CNTN3: variants seen among roughly 807,000 people sequenced by gnomAD.
CNTN3 encodes contactin 3, also known as contactin-3.
CNTN3 carries 60 observed loss-of-function variants against 119.1 expected under a neutral mutation model. The ratio of observed to expected loss-of-function variants is 0.50; its 90% CI spans 0.41 to 0.62. CNTN3 has a LOEUF of 0.62. Among genes scored for constraint, CNTN3 ranks in the 20% least tolerant of loss-of-function variants. CNTN3 has a pLI of 0.00. For synonymous variants in CNTN3, 450 were observed against 438.7 expected (o/e 1.03, Z -0.32); for missense variants, 1,101 against 1,242.4 (o/e 0.89, Z 1.71).
intron 13 of CNTN3, among the ~76,000 whole-genome samples, chr3:74,324,315 G>C (rs553353677): frequency 6.6e-6 from 1 of 151,730 alleles, no homozygotes; most frequent in Non-Finnish European, 1.5e-5. Context: ...GGGTTCAAGC[G>C]ATTCTCCTGT....
At chr3:74,434,806 C>T (rs1048403890) in intron 4 of CNTN3, among the ~76,000 whole-genome samples, 30 of 152,180 alleles carry the variant, frequency 2.0e-4, no homozygotes, top group African/African-American at 6.8e-4. Context: ...TCTTCACATT[C>T]TTTCAGGAAA....
intron 4 of CNTN3, among the ~76,000 whole-genome samples, chr3:74,482,766 C>T (rs1702784803): frequency 6.6e-6 from 1 of 152,070 alleles, no homozygotes; most frequent in Non-Finnish European, 1.5e-5. Context: ...CATCCATTTG[C>T]CTGCAGCAAA....
chr3:74,320,887 A>T (rs527718513), intron 13 of CNTN3, among the ~76,000 whole-genome samples: 2 of 151,930 alleles, frequency 1.3e-5, no homozygotes, highest in African/African-American at 4.8e-5. Flanking sequence ...GTCTATGTCT[A>T]TATCCTCAAC....
intron 13 of CNTN3, among the ~76,000 whole-genome samples, chr3:74,330,167 C>A (rs1333642204): frequency 6.6e-6 from 1 of 152,036 alleles, no homozygotes; most frequent in Non-Finnish European, 1.5e-5. Flanking sequence ...ACCAGCCTGG[C>A]CAGCATGGTG....
At chr3:74,595,461 A>T (rs961360191) in intron 1 of CNTN3, among the ~76,000 whole-genome samples, 1 of 152,064 alleles carries the variant, frequency 6.6e-6, no homozygotes, top group Admixed American at 6.6e-5. Flanking sequence ...ATCTTGAATT[A>T]ATTTTTGTAG....
At chr3:74,428,931 AT>A in intron 4 of CNTN3, among the ~76,000 whole-genome samples, 1 of 152,196 alleles carries the variant, frequency 6.6e-6, no homozygotes, top group East Asian at 1.9e-4. Context: ...TGCCTACAGT[AT>A]TAAGTAAAGT....
rs114558847 is a variant in CNTN3, at chr3:74,351,580, G to T, written c.1364+10310C>A. 5.9e-3 allele frequency among the ~76,000 whole-genome samples: 894 copies of T among 152,314 alleles called. 5 individuals are homozygous for T. The highest frequency in any genetic ancestry group is 0.021 in the African/African-American group (853 of 41,570). ...AATTAAAGAAGCAAGTAAAACGTAT[G>T]TTTAACTTCATCTGACACAGTGAAT... is the stretch of plus-strand genomic sequence containing the variant. On this transcript the variant is annotated intron_variant, in intron 11 of 22. Coordinates refer to ENST00000263665, the MANE Select transcript of CNTN3 (RefSeq NM_020872.3).
chr3:74,605,176 A>G (rs1704970690), intron 1 of CNTN3, among the ~76,000 whole-genome samples: 1 of 152,142 alleles, frequency 6.6e-6, no homozygotes, highest in Non-Finnish European at 1.5e-5. Context: ...GTCAAAGGAT[A>G]CAGAATTTCT....
At chr3:74,441,032 T>C (rs966757952) in intron 4 of CNTN3, among the ~76,000 whole-genome samples, 10 of 152,138 alleles carry the variant, frequency 6.6e-5, no homozygotes, top group Non-Finnish European at 1.2e-4. Context: ...ACTTTAACAT[T>C]GGGTGAGACT....
At chr3:74,516,331 C>A (rs1334173564) in intron 2 of CNTN3, among the ~76,000 whole-genome samples, 1 of 150,294 alleles carries the variant, frequency 6.7e-6, no homozygotes, top group African/African-American at 2.5e-5. Flanking sequence ...ACAGCAAGAG[C>A]AACCCCCCTT....
At chr3:74,511,561 T>C (rs1443748439) in intron 2 of CNTN3, among the ~76,000 whole-genome samples, 1 of 152,006 alleles carries the variant, frequency 6.6e-6, no homozygotes, top group Non-Finnish European at 1.5e-5. Flanking sequence ...CCCAGCTACT[T>C]GGGAGGGCTG....
At chr3:74,508,321 G>A (rs1232961669) in intron 2 of CNTN3, among the ~76,000 whole-genome samples, 1 of 152,110 alleles carries the variant, frequency 6.6e-6, no homozygotes, top group Non-Finnish European at 1.5e-5. Context: ...CCTCAGCCAT[G>A]TGATTCAATT....
At position 74,263,508 on chromosome 3, in the gene CNTN3, C is replaced by T. The variant is rs1701613888; in HGVS notation, c.*893G>A. ...ATTCATAGCTGTGAAGGAAACAATT[C>T]CTTTTTTAATTTAAAAAAACTTTTT... On this transcript the variant is annotated 3_prime_UTR_variant, in exon 23 of 23. Coordinates refer to ENST00000263665, the MANE Select transcript of CNTN3 (RefSeq NM_020872.3). 1.3e-5 allele frequency: 2 copies of T among 151,706 alleles called. 1 individual carries two copies. The highest frequency in any genetic ancestry group is 4.2e-4 in the South Asian group (2 of 4,808). The allele number at this position is 151,706 out of a possible 1,614,324, so 9.4% of individuals were successfully genotyped here.
At chr3:74,588,514 A>T (rs1308557014) in intron 1 of CNTN3, among the ~76,000 whole-genome samples, 1 of 152,076 alleles carries the variant, frequency 6.6e-6, no homozygotes, top group African/African-American at 2.4e-5. Context: ...CAATATCATG[A>T]AAATGGCCAT....
At chr3:74,354,087 G>A (rs1055611953) in intron 11 of CNTN3, among the ~76,000 whole-genome samples, 13 of 151,964 alleles carry the variant, frequency 8.6e-5, no homozygotes, top group African/African-American at 3.1e-4. Flanking sequence ...TTATCTATGT[G>A]CAGGAAATAC....
chr3:74,553,622 G>A (rs920302700), intron 1 of CNTN3, among the ~76,000 whole-genome samples: 4 of 152,014 alleles, frequency 2.6e-5, no homozygotes, highest in Admixed American at 2.0e-4. Flanking sequence ...TTTAATGATC[G>A]CCATTCTAAC....
At chr3:74,370,728 A>G (rs908184672) in intron 6 of CNTN3, among the ~76,000 whole-genome samples, 24 of 152,276 alleles carry the variant, frequency 1.6e-4, no homozygotes, top group African/African-American at 5.5e-4. Flanking sequence ...CCCCTTAAAC[A>G]GCCATCAAGG....
At chr3:74,582,655 G>C (rs1022224291) in intron 1 of CNTN3, among the ~76,000 whole-genome samples, 1 of 152,090 alleles carries the variant, frequency 6.6e-6, no homozygotes, top group South Asian at 2.1e-4. Flanking sequence ...TCTTTAATAG[G>C]ATGGCTAAAA....
chr3:74,300,347 G>A (rs628395), intron 16 of CNTN3, among the ~76,000 whole-genome samples: 30 of 151,898 alleles, frequency 2.0e-4, no homozygotes, highest in African/African-American at 7.3e-4. Context: ...GGATGACCCA[G>A]ACTCAAACCC....
Sources: allele counts gnomAD v4.1 joint callset (sites outside exome capture counted in the v4.1 genomes callset), GRCh38; gene constraint gnomAD v4.1.1; transcripts MANE v1.5; gene names NCBI Gene and HGNC (gene_info 2026-07-23, HGNC 2026-07-21).